GRID1: variants seen among roughly 807,000 people sequenced by gnomAD.
GRID1 encodes the protein glutamate ionotropic receptor delta type subunit 1.
GRID1 carries 28 observed loss-of-function variants against 98.0 expected under a neutral mutation model. The observed-to-expected ratio is 0.29, with a 90% CI of 0.21 to 0.39. The LOEUF (loss-of-function observed/expected upper bound fraction) is 0.39. Ranked by LOEUF, GRID1 falls within the 10% of genes least tolerant of loss-of-function variation. The pLI is 1.00. For synonymous variants in GRID1, 553 were observed against 538.5 expected (o/e 1.03, Z -0.37); for missense variants, 1,111 against 1,340.5 (o/e 0.83, Z 2.67).
At chr10:86,250,452 T>C (rs1313215536) in intron 2 of GRID1, among the ~76,000 whole-genome samples, 4 of 152,208 alleles carry the variant, frequency 2.6e-5, no homozygotes, top group Admixed American at 2.6e-4. Flanking sequence ...CCAAGAGAAA[T>C]GGTCTCAGTA....
At chr10:86,347,010 T>C (rs1201135326) in intron 2 of GRID1, among the ~76,000 whole-genome samples, 2 of 152,040 alleles carry the variant, frequency 1.3e-5, no homozygotes, top group Non-Finnish European at 2.9e-5. Flanking sequence ...ACAGGTGTCA[T>C]CCTGCGGGCT....
Position 86,366,493 on chromosome 10 carries a change from C to T in GRID1, c.-101G>A. On this transcript the variant is annotated 5_prime_UTR_variant, in exon 1 of 16. Coordinates refer to ENST00000327946, the MANE Select transcript of GRID1 (RefSeq NM_017551.3). This position sits in a 1 kb window ranked among gnomAD's most constrained non-coding sequence, Gnocchi z 4.1. ...CCCGGTGCAGTCCCGGGCCGCTCCC[C>T]GGGAGAGCCGAGCCCGCCCGTGCGT... The T allele has an allele frequency of 3.0e-6, 2 of 669,434 alleles. No individual in the cohort carries two copies. Among genetic ancestry groups the T allele is most frequent in the Non-Finnish European group, 4.2e-6 (2 of 477,310 alleles). 41.5% of individuals were successfully genotyped at this position (669,434 alleles called of 1,614,324 possible). A position where few individuals can be genotyped will look rare whatever the true frequency, so the allele number is the denominator to read the frequency against.
At chr10:86,301,318 T>A (rs1181622818) in intron 2 of GRID1, among the ~76,000 whole-genome samples, 2 of 152,220 alleles carry the variant, frequency 1.3e-5, no homozygotes, top group Non-Finnish European at 2.9e-5. Context: ...CAAAAATCAA[T>A]CAGCTCCATC....
intron 4 of GRID1, among the ~76,000 whole-genome samples, chr10:86,021,245 C>T (rs11201872): frequency 0.1 from 15,242 of 152,130 alleles, 841 homozygotes; most frequent in African/African-American, 0.12. Context: ...CTCTGGGTTT[C>T]CTGGTAAGAA....
intron 9 of GRID1, 105 bp from the exon 10 acceptor site, chr10:85,728,157 C>T: frequency 1.1e-6 from 1 of 889,374 alleles, no homozygotes; most frequent in Non-Finnish European, 1.8e-6. Context: ...ATTTGCAGTT[C>T]CCCAATTTAG....
chr10:86,256,134 G>A (rs987138597), intron 2 of GRID1, among the ~76,000 whole-genome samples: 10 of 152,172 alleles, frequency 6.6e-5, no homozygotes, highest in African/African-American at 2.4e-4. Context: ...GGACAGCCCT[G>A]GACAGAAGGG....
chr10:85,922,797 T>C (rs545246411), intron 4 of GRID1, among the ~76,000 whole-genome samples: 3 of 152,252 alleles, frequency 2.0e-5, no homozygotes, highest in Non-Finnish European at 2.9e-5. Context: ...GCAGACACCA[T>C]GAGGCCCGAG....
At chr10:86,113,829 G>T (rs546977201) in intron 4 of GRID1, among the ~76,000 whole-genome samples, 3 of 152,302 alleles carry the variant, frequency 2.0e-5, no homozygotes, top group African/African-American at 7.2e-5. Context: ...AAGTAAAATT[G>T]CCGTGTAGCC....
intron 8 of GRID1, among the ~76,000 whole-genome samples, chr10:85,819,180 A>T (rs1185482201): frequency 6.6e-6 from 1 of 152,228 alleles, no homozygotes; most frequent in South Asian, 2.1e-4. Context: ...CAAGGGAAAC[A>T]TCAAATCACC....
chr10:86,284,838 T>G (rs1847406686), intron 2 of GRID1, among the ~76,000 whole-genome samples: 1 of 152,148 alleles, frequency 6.6e-6, no homozygotes, highest in African/African-American at 2.4e-5. Flanking sequence ...GAGTGGGCAG[T>G]GGGCACTGTG....
intron 4 of GRID1, among the ~76,000 whole-genome samples, chr10:85,927,601 C>T (rs999965816): frequency 6.6e-6 from 1 of 151,918 alleles, no homozygotes; most frequent in African/African-American, 2.4e-5. Context: ...ACAAACAAGT[C>T]CTCTTTTCCC....
chr10:85,942,060 C>G (rs539756951), intron 4 of GRID1, among the ~76,000 whole-genome samples: 1 of 152,326 alleles, frequency 6.6e-6, no homozygotes, highest in African/African-American at 2.4e-5. Flanking sequence ...CAGGATCTAT[C>G]CCAACTAATG....
chr10:86,235,163 A>AG (rs1344153971), intron 2 of GRID1, among the ~76,000 whole-genome samples: 4 of 152,204 alleles, frequency 2.6e-5, no homozygotes, highest in African/African-American at 9.6e-5. Flanking sequence ...GCCCTGGAGA[A>AG]GGCCCAGTCC....
chr10:85,843,376 G>A (rs2131772994), intron 8 of GRID1, among the ~76,000 whole-genome samples: 1 of 152,022 alleles, frequency 6.6e-6, no homozygotes, highest in South Asian at 2.1e-4. Flanking sequence ...TATAGGGATA[G>A]GCAAAGAATT....
At chr10:85,858,777 A>C (rs928329760) in intron 6 of GRID1, among the ~76,000 whole-genome samples, 1 of 151,858 alleles carries the variant, frequency 6.6e-6, no homozygotes, top group Admixed American at 6.6e-5. Context: ...TTTGACCCCT[A>C]CTCCCACCCA....
intron 8 of GRID1, among the ~76,000 whole-genome samples, chr10:85,817,449 C>T (rs966296311): frequency 6.6e-6 from 1 of 151,948 alleles, no homozygotes; most frequent in African/African-American, 2.4e-5. Flanking sequence ...GAGCCTGAGC[C>T]CAAGAGGTCA....
intron 4 of GRID1, among the ~76,000 whole-genome samples, chr10:85,996,765 G>T (rs1842742856): frequency 6.6e-6 from 1 of 150,648 alleles, no homozygotes; most frequent in African/African-American, 2.4e-5. Flanking sequence ...GGAGGTAGAG[G>T]TTGCAGTGAG....
intron 2 of GRID1, among the ~76,000 whole-genome samples, chr10:86,235,343 T>C (rs1289041406): frequency 6.6e-6 from 1 of 152,280 alleles, no homozygotes; most frequent in East Asian, 1.9e-4. Context: ...CTTTGAATTC[T>C]GCCTTGACCA....
At chr10:85,694,059 A>G (rs1335395539) in intron 12 of GRID1, among the ~76,000 whole-genome samples, 1 of 152,184 alleles carries the variant, frequency 6.6e-6, no homozygotes. Context: ...CAGAATTTAC[A>G]AAGAACTCAA....
Sources: gnomAD v4.1 joint callset for allele counts (sites outside exome capture counted in the v4.1 genomes callset) on GRCh38, gnomAD v4.1.1 for gene constraint, Gnocchi (gnomAD v3.1) non-coding constraint, MANE v1.5 for transcripts, NCBI Gene and HGNC (gene_info 2026-07-23, HGNC 2026-07-21) for gene names.